The following POLQ variants were observed in gnomAD, a reference collection of about 807,000 sequenced individuals.
POLQ encodes DNA polymerase theta, also known as epididymis secretory sperm binding protein.
A neutral mutation model predicts 259.2 loss-of-function variants in POLQ; 233 were observed. The observed-to-expected ratio is 0.90, with a 90% confidence interval of 0.81 to 1.00. The LOEUF is 1.00. Among genes scored for constraint, POLQ ranks in the 50% least tolerant of loss-of-function variants. POLQ has a pLI of 0.00. For missense variants in POLQ, 2,871 were observed against 3,051.6 expected (o/e 0.94, Z 1.39); for synonymous variants, 1,025 against 1,048.8 (o/e 0.98, Z 0.44).
chr3:121,483,189 C>CCACCG, intron 18 of POLQ, among the ~76,000 whole-genome samples, 197 bp downstream of exon 18: 1 of 152,008 alleles, frequency 6.6e-6, no homozygotes, highest in African/African-American at 2.4e-5. Context: ...AAATTTGTGA[C>CCACCG]ATCTCTGTTT....
Position 121,488,562 on chromosome 3 carries a change from G to C in POLQ, c.4369C>G (p.Pro1457Ala), listed in dbSNP as rs1449046945. Residue 1457 changes from proline (P) to alanine (A), a missense_variant, in exon 16 of 30, where the codon CCA becomes GCA. Transcript: ENST00000264233. ...QGYQTQETVKPVILLIPQKRT... is the reference protein window; with the variant it reads ...QGYQTQETVKAVILLIPQKRT... ...TTTTGAGGAATCAGAAGTATAACTG[G>C]TTTCACAGTTTCTTGTGTTTGATAA... is the stretch of plus-strand genomic sequence containing the variant. The C allele has an allele frequency of 6.2e-7, 1 of 1,611,366 alleles. No individual in the cohort carries two copies. The highest frequency in any genetic ancestry group is 2.2e-5 in the East Asian group (1 of 44,870).
chr3:121,459,052 A>C (rs2047768088), intron 25 of POLQ, among the ~76,000 whole-genome samples: 4 of 152,372 alleles, frequency 2.6e-5, no homozygotes, highest in Admixed American at 2.6e-4. Context: ...AGAAAGTATC[A>C]GTGTTAACCC....
chr3:121,532,635 G>A (rs1452768694), intron 6 of POLQ, among the ~76,000 whole-genome samples: 1 of 152,068 alleles, frequency 6.6e-6, no homozygotes, highest in Non-Finnish European at 1.5e-5. Context: ...CCATGTTCAA[G>A]CAATTCTCCT....
At chr3:121,539,942 G>C (rs2048478964) in intron 3 of POLQ, among the ~76,000 whole-genome samples, 1 of 151,950 alleles carries the variant, frequency 6.6e-6, no homozygotes, top group Non-Finnish European at 1.5e-5. Flanking sequence ...AACACTTAAA[G>C]AAACAAATTT....
intron 25 of POLQ, among the ~76,000 whole-genome samples, chr3:121,455,242 G>C (rs1403935527): frequency 4.8e-5 from 7 of 144,858 alleles, no homozygotes; most frequent in African/African-American, 1.8e-4. Flanking sequence ...AGTGTGTAGA[G>C]GGAAATTTAT....
At chr3:121,517,182 A>G (rs1027645772) in intron 9 of POLQ, among the ~76,000 whole-genome samples, 1 of 152,226 alleles carries the variant, frequency 6.6e-6, no homozygotes, top group African/African-American at 2.4e-5. Context: ...CAGAGGTGTG[A>G]GTCCACTGAA....
chr3:121,455,769 G>T (rs1482793292), intron 25 of POLQ, among the ~76,000 whole-genome samples: 1 of 152,096 alleles, frequency 6.6e-6, no homozygotes, highest in Non-Finnish European at 1.5e-5. Context: ...AAGAGTCCAG[G>T]ACCAGATGGA....
At chr3:121,509,765 T>C (rs953239557) in intron 11 of POLQ, 62 bp from the exon 12 acceptor site, 2 of 1,481,420 alleles carry the variant, frequency 1.4e-6, no homozygotes, top group Non-Finnish European at 9.3e-7. Context: ...TAAAACAAAA[T>C]ACTATCTTTC....
chr3:121,458,003 A>AGACT (rs1259091349), intron 25 of POLQ, among the ~76,000 whole-genome samples: 2 of 152,250 alleles, frequency 1.3e-5, no homozygotes, highest in African/African-American at 4.8e-5. Context: ...CAACAATGAT[A>AGACT]GACTAGATTA....
intron 24 of POLQ, among the ~76,000 whole-genome samples, chr3:121,464,546 T>C (rs1247806281): frequency 2.7e-5 from 4 of 147,620 alleles, no homozygotes; most frequent in African/African-American, 9.8e-5. Context: ...ATTTAAGTAA[T>C]ACTCCTTTGA....
intron 10 of POLQ, among the ~76,000 whole-genome samples, chr3:121,511,628 A>T (rs572010531): frequency 6.6e-6 from 1 of 151,834 alleles, no homozygotes; most frequent in East Asian, 2.0e-4. Context: ...AAGTACAAAA[A>T]TTAGCCAGGG....
At chr3:121,444,647 G>A (rs1433831149) in intron 26 of POLQ, among the ~76,000 whole-genome samples, 1 of 152,146 alleles carries the variant, frequency 6.6e-6, no homozygotes, top group East Asian at 1.9e-4. Flanking sequence ...TAACAGTGAT[G>A]AAAGCAAAAG....
At chr3:121,451,162 C>A (rs2047672136) in intron 25 of POLQ, among the ~76,000 whole-genome samples, 1 of 152,204 alleles carries the variant, frequency 6.6e-6, no homozygotes, top group Admixed American at 6.5e-5. Flanking sequence ...GACTTCTCTA[C>A]ACTGGTTATT....
At position 121,489,040 on chromosome 3, in the gene POLQ, A is replaced by C; in HGVS notation, c.3891T>G (p.Thr1297=). 1 of 1,613,348 alleles carries C rather than the reference A, an allele frequency of 6.2e-7. No individual in the cohort carries two copies. Among genetic ancestry groups the C allele is most frequent in the Non-Finnish European group, 8.5e-7 (1 of 1,179,492 alleles). Residue 1297 remains threonine, a synonymous_variant, in exon 16 of 30, where the codon ACT becomes ACG. Transcript: ENST00000264233. The part of the protein sequence containing the change: ...NISRLQEKTG[T]YTTNKTKNNH... ...TATTTTTAGTTTTGTTTGTTGTATAAGTACCTGTTTTTTCTTGTAGTCTAG... is the reference window on the plus strand; with the variant it reads ...TATTTTTAGTTTTGTTTGTTGTATACGTACCTGTTTTTTCTTGTAGTCTAG...
chr3:121,461,649 C>CAA (rs61467705), intron 24 of POLQ, among the ~76,000 whole-genome samples: 1 of 77,926 alleles, frequency 1.3e-5, no homozygotes. Context: ...GACTCCGTCT[C>CAA]AAAAAAAAAA....
At chr3:121,468,576 T>C in intron 22 of POLQ, 145 bp from the exon 23 acceptor site, 1 of 576,350 alleles carries the variant, frequency 1.7e-6, no homozygotes. Context: ...TTTTTCATCA[T>C]GTTCATGTGT....
chr3:121,504,644 A>G (rs1019799410), intron 12 of POLQ, among the ~76,000 whole-genome samples: 1 of 152,236 alleles, frequency 6.6e-6, no homozygotes. Context: ...CAAATAAAAT[A>G]CTAGCAATAA....
rs745452751 is a variant in POLQ at position 121,489,541 on chromosome 3, ATTAG to A, written c.3386_3389del (p.Thr1129MetfsTer17). On this transcript the variant is annotated frameshift_variant, in exon 16 of 30. Coordinates refer to ENST00000264233, the MANE Select transcript of POLQ (RefSeq NM_199420.4). LOFTEE classifies it high-confidence loss of function. The stretch of plus-strand genomic sequence containing the variant: ...TGACAATATGCTCCACAAAATTATC[ATTAG>A]TTAGTGTTATGTTCCATGAACAATT... 19 of 1,613,302 alleles carry A rather than the reference ATTAG, an allele frequency of 1.2e-5. No individual in the cohort carries two copies. Among genetic ancestry groups the A allele is most frequent in the African/African-American group, 1.1e-4 (8 of 74,876 alleles).
intron 13 of POLQ, among the ~76,000 whole-genome samples, chr3:121,497,547 C>T (rs2048134572): frequency 6.6e-6 from 1 of 152,126 alleles, no homozygotes; most frequent in African/African-American, 2.4e-5. Context: ...AGCAATTCCC[C>T]CACCTCAGCC....
Sources: allele counts gnomAD v4.1 joint callset (sites outside exome capture counted in the v4.1 genomes callset), GRCh38; gene constraint gnomAD v4.1.1; transcripts MANE v1.5; gene names NCBI Gene and HGNC (gene_info 2026-07-23, HGNC 2026-07-21).